ZMYM2: variants seen among roughly 807,000 people sequenced by gnomAD.
ZMYM2 encodes zinc finger MYM-type containing 2.
A neutral mutation model predicts 162.8 loss-of-function variants in ZMYM2; 56 were observed. The observed-to-expected ratio is 0.34, with a 90% CI of 0.28 to 0.43. ZMYM2 has a LOEUF of 0.43. Ranked by LOEUF, ZMYM2 falls within the 20% of genes least tolerant of loss-of-function variation. The pLI is 1.00. For missense variants in ZMYM2, 1,275 were observed against 1,621.8 expected (o/e 0.79, Z 3.67); for synonymous variants, 510 against 541.6 (o/e 0.94, Z 0.81).
the ZMYM2 span, among the ~76,000 whole-genome samples, chr13:19,890,795 C>A: frequency 1.3e-5 from 2 of 151,424 alleles, no homozygotes; most frequent in Non-Finnish European, 2.9e-5. Context: ...TGTCGTGAAC[C>A]CGAGAGGCGG....
rs11415288 is a variant in ZMYM2, at chr13:19,995,002, T to TAA, written c.847+1099_847+1100dup. On this transcript the variant is annotated intron_variant, in intron 3 of 24. Transcript: ENST00000610343. Reference sequence around the variant, plus strand: ...TGTGAGCCACCATGCCTGGCTAAATTAAAAAAAAAAAAAAAAATTATTTGT... The same window carrying TAA: ...TGTGAGCCACCATGCCTGGCTAAATTAAAAAAAAAAAAAAAAAAATTATTTGT... Among the ~76,000 whole-genome samples the TAA allele has an allele frequency of 6.5e-3, 919 of 140,580 alleles. 6 individuals carry two copies. Among genetic ancestry groups the TAA allele is most frequent in the Non-Finnish European group, 0.01 (686 of 65,382 alleles). The allele number at this position is 140,580 out of a possible 152,430, so 92.2% of individuals were successfully genotyped here.
chr13:19,992,399 A>G (rs1949699230), intron 2 of ZMYM2, among the ~76,000 whole-genome samples: 2 of 151,988 alleles, frequency 1.3e-5, no homozygotes, highest in South Asian at 4.1e-4. Context: ...GTCTCTACCT[A>G]AATAAATAAA....
the ZMYM2 span, among the ~76,000 whole-genome samples, chr13:19,939,853 G>T: frequency 2.6e-5 from 4 of 152,054 alleles, no homozygotes; most frequent in African/African-American, 9.7e-5. Flanking sequence ...AGTCCTATGT[G>T]GTAGGTACTA....
chr13:19,926,360 A>AT, the ZMYM2 span, among the ~76,000 whole-genome samples: 23,467 of 105,394 alleles, frequency 0.22, 3,198 homozygotes, highest in African/African-American at 0.36. Context: ...AGGACTACTT[A>AT]TTTTTTTTTT....
chr13:20,004,261 T>C (rs1277438442), intron 4 of ZMYM2, among the ~76,000 whole-genome samples: 1 of 151,886 alleles, frequency 6.6e-6, no homozygotes. Context: ...TTGTTTTGTT[T>C]TGTTTTTTTT....
At chr13:19,975,733 G>T (rs1956721222) in intron 2 of ZMYM2, among the ~76,000 whole-genome samples, 1 of 152,036 alleles carries the variant, frequency 6.6e-6, no homozygotes. Flanking sequence ...GTGACTTTGG[G>T]GAACCATTAA....
chr13:20,075,670 C>CTTTTTTTTTTTTT lies in ZMYM2; in HGVS notation c.3454-6326_3454-6314dup, dbSNP rs56664916. On this transcript the variant is annotated intron_variant, in intron 21 of 24. Transcript: ENST00000610343. ...TTATTATGAATAGAACTATAGACAC[C>CTTTTTTTTTTTTT]TTTTTTTTTTTTTTTTTTTTTTTTT... Among the ~76,000 whole-genome samples the CTTTTTTTTTTTTT allele has an allele frequency of 8.2e-4, 62 of 75,712 alleles. 4 individuals carry two copies. Among genetic ancestry groups the CTTTTTTTTTTTTT allele is most frequent in the African/African-American group, 2.1e-3 (38 of 18,450 alleles). 49.7% of individuals were successfully genotyped at this position (75,712 alleles called of 152,430 possible). A position where few individuals can be genotyped will look rare whatever the true frequency, so the allele number is the denominator to read the frequency against.
chr13:20,083,295 C>T (rs2141053516), intron 23 of ZMYM2, among the ~76,000 whole-genome samples: 1 of 152,290 alleles, frequency 6.6e-6, no homozygotes, highest in Admixed American at 6.5e-5. Flanking sequence ...CTCCCGACCT[C>T]AGGTGATCTG....
intron 4 of ZMYM2, among the ~76,000 whole-genome samples, chr13:20,004,427 T>A (rs902278728): frequency 6.6e-6 from 1 of 152,148 alleles, no homozygotes; most frequent in African/African-American, 2.4e-5. Context: ...GGCTAATTTT[T>A]TGTGTTTTTA....
chr13:20,046,607 G>GTGTGTGTGTATA (rs781273129), intron 12 of ZMYM2, among the ~76,000 whole-genome samples: 2 of 104,372 alleles, frequency 1.9e-5, no homozygotes, highest in African/African-American at 7.8e-5. Flanking sequence ...GTGTGTGTGT[G>GTGTGTGTGTATA]TATATATATG....
the ZMYM2 span, among the ~76,000 whole-genome samples, chr13:19,923,063 G>A: frequency 6.7e-6 from 1 of 150,178 alleles, no homozygotes; most frequent in Non-Finnish European, 1.5e-5. Flanking sequence ...GTCAGGGCCG[G>A]ATGTGATGGC....
chr13:20,026,531 A>G, intron 7 of ZMYM2, 81 bp from the exon 8 acceptor site: 2 of 1,419,562 alleles, frequency 1.4e-6, no homozygotes, highest in African/African-American at 1.4e-5. Context: ...TGCAGAGGCA[A>G]AAAGTGTAAT....
chr13:19,907,761 C>CAAA, the ZMYM2 span, among the ~76,000 whole-genome samples: 14,660 of 39,100 alleles, frequency 0.37, 6,051 homozygotes, highest in East Asian at 0.82. Flanking sequence ...GACTCTGTCT[C>CAAA]AAAAAAAAAA....
chr13:20,087,623 T>C lies in ZMYM2; in HGVS notation c.*1609T>C, dbSNP rs1375163060. 1.6e-5 allele frequency: 3 copies of C among 184,586 alleles called. No individual in the cohort carries two copies. The East Asian group carries it at 2.6e-4, about 16-fold the overall frequency. 11.4% of individuals were successfully genotyped at this position (184,586 alleles called of 1,614,324 possible). A position where few individuals can be genotyped will look rare whatever the true frequency, so the allele number is the denominator to read the frequency against. ...TCTGATTTGGAAAATTTCACAGGTG[T>C]CATTATTGTATATCTAAGCAATAAT... is the stretch of plus-strand genomic sequence containing the variant. On this transcript the variant is annotated 3_prime_UTR_variant, in exon 25 of 25. Coordinates refer to ENST00000610343, the MANE Select transcript of ZMYM2 (RefSeq NM_197968.4).
rs758364371 is a variant in ZMYM2 at position 20,011,885 on chromosome 13, A to T, written c.1512+5299A>T. On this transcript the variant is annotated intron_variant, in intron 6 of 24. Coordinates refer to ENST00000610343, the MANE Select transcript of ZMYM2 (RefSeq NM_197968.4). ...TGCCTCAGCCTCCCGAGTAGCTGGG[A>T]TTACAGGCGCACACCACCATGCCCA... is the stretch of plus-strand genomic sequence containing the variant. Among the ~76,000 whole-genome samples the T allele has an allele frequency of 4.6e-5, 7 of 151,908 alleles. No homozygotes were observed. The South Asian group carries it at 1.5e-3, about 31-fold the overall frequency.
chr13:20,078,983 A>AC lies in ZMYM2; in HGVS notation c.3454-3031dup, dbSNP rs1258495198. ...CAAAGAAATCTAAGTGAAATGAGAG[A>AC]CCAGTAACTCTTAAAAAAGGAATTT... On this transcript the variant is annotated intron_variant, in intron 21 of 24. Transcript: ENST00000610343. Among the ~76,000 whole-genome samples the AC allele has an allele frequency of 7.9e-5, 12 of 151,886 alleles. No homozygotes were observed. In the South Asian group the frequency reaches 2.5e-3, roughly 32 times the overall value.
intron 9 of ZMYM2, among the ~76,000 whole-genome samples, chr13:20,030,746 C>T (rs540211276): frequency 9.2e-5 from 14 of 151,806 alleles, no homozygotes; most frequent in African/African-American, 3.1e-4. Flanking sequence ...GTTGACCAGG[C>T]TGGTCTCGAA....
At chr13:19,878,818 C>T in the ZMYM2 span, among the ~76,000 whole-genome samples, 1 of 152,088 alleles carries the variant, frequency 6.6e-6, no homozygotes, top group Non-Finnish European at 1.5e-5. Flanking sequence ...CAGCCCTTTG[C>T]CCATTTTTGA....
chr13:19,931,375 A>G, the ZMYM2 span, among the ~76,000 whole-genome samples: 7 of 152,172 alleles, frequency 4.6e-5, no homozygotes, highest in Non-Finnish European at 8.8e-5. Context: ...TTGAGAGTTT[A>G]TCTCGCATCT....
Sources: gnomAD v4.1 joint callset for allele counts (sites outside exome capture counted in the v4.1 genomes callset) on GRCh38, gnomAD v4.1.1 for gene constraint, MANE v1.5 for transcripts, NCBI Gene and HGNC (gene_info 2026-07-23, HGNC 2026-07-21) for gene names.